The following KLHL5 variants were observed in gnomAD, a reference collection of about 807,000 sequenced individuals.
KLHL5 encodes kelch-like protein 5.
KLHL5 carries 48 observed loss-of-function variants against 77.7 expected under a neutral mutation model. That is an observed-to-expected ratio of 0.62 (90% CI 0.49 to 0.79). The LOEUF (loss-of-function observed/expected upper bound fraction) is 0.79. Ranked by LOEUF, KLHL5 falls within the 30% of genes least tolerant of loss-of-function variation. The probability of loss-of-function intolerance (pLI) is 0.00; values close to 1 mark genes in which losing one functional copy is unlikely to be tolerated. For missense variants in KLHL5, 723 were observed against 859.7 expected, an observed-to-expected ratio of 0.84 and a Z score of 1.99; for synonymous variants, 260 against 297.0, an observed-to-expected ratio of 0.88 and a Z score of 1.28.
At chr4:39,075,183 T>A (rs536828205) in intron 1 of KLHL5, among the ~76,000 whole-genome samples, 2 of 151,882 alleles carry the variant, frequency 1.3e-5, no homozygotes, top group South Asian at 4.2e-4. Context: ...AATACAAAAG[T>A]AGCTGGGCGT....
At chr4:39,091,909 T>A (rs1720617558) in intron 5 of KLHL5, among the ~76,000 whole-genome samples, 2 of 125,650 alleles carry the variant, frequency 1.6e-5, no homozygotes, top group Admixed American at 1.0e-4. Flanking sequence ...TCTCTCAAAC[T>A]CCTGGCCTCA....
chr4:39,109,166 A>G (rs1272853521), intron 8 of KLHL5, among the ~76,000 whole-genome samples: 1 of 152,236 alleles, frequency 6.6e-6, no homozygotes, highest in African/African-American at 2.4e-5. Flanking sequence ...GTTGAAAAAA[A>G]CCAACGATGC....
the KLHL5 span, among the ~76,000 whole-genome samples, chr4:39,132,991 A>G: frequency 6.6e-6 from 1 of 152,232 alleles, no homozygotes; most frequent in Non-Finnish European, 1.5e-5. Flanking sequence ...ATGATAGTCT[A>G]GTCGCAGGAA....
chr4:39,045,562 C>A (rs1158427274), intron 1 of KLHL5, among the ~76,000 whole-genome samples: 1 of 151,974 alleles, frequency 6.6e-6, no homozygotes, highest in Non-Finnish European at 1.5e-5. Flanking sequence ...TTAAATAATA[C>A]CCTCGCCCCC....
chr4:39,048,593 C>T lies in KLHL5; in HGVS notation c.-95+3497C>T, dbSNP rs148316670. Among the ~76,000 whole-genome samples, 217 of 148,162 alleles carry T rather than the reference C, an allele frequency of 1.5e-3. 5 individuals carry two copies. In the East Asian group the frequency reaches 0.038, roughly 26 times the overall value. On this transcript the variant is annotated intron_variant, in intron 1 of 11. Transcript: ENST00000261425. ...GAGGCTGTATCTCAACACATGCTTC[C>T]GCAGTTGTTAGGACAGGGAAAAGGA...
intron 1 of KLHL5, among the ~76,000 whole-genome samples, chr4:39,068,896 A>G (rs1365147571): frequency 6.6e-6 from 1 of 152,236 alleles, no homozygotes; most frequent in Non-Finnish European, 1.5e-5. Context: ...GAAGTATATT[A>G]GTAAGGCATA....
intron 4 of KLHL5, among the ~76,000 whole-genome samples, chr4:39,083,934 C>G (rs1719832976): frequency 6.6e-6 from 1 of 152,064 alleles, no homozygotes. Flanking sequence ...TAACATTATT[C>G]AGTTTTAACA....
intron 1 of KLHL5, chr4:39,063,435 G>A (rs1717609833): frequency 3.7e-6 from 1 of 270,160 alleles, no homozygotes; most frequent in Non-Finnish European, 7.7e-6. Flanking sequence ...ACAGATGATA[G>A]AGTCATTTTT....
intron 2 of KLHL5, among the ~76,000 whole-genome samples, chr4:39,079,438 C>T (rs1001617804): frequency 6.6e-6 from 1 of 152,178 alleles, no homozygotes; most frequent in Non-Finnish European, 1.5e-5. Flanking sequence ...CCACTCAGAA[C>T]CTCTTGTAGT....
rs754510958 is a variant in KLHL5, at chr4:39,062,797, G to C, written c.145G>C (p.Gly49Arg). The C allele has an allele frequency of 1.2e-6, 2 of 1,613,944 alleles. No homozygotes were observed. Among genetic ancestry groups the C allele is most frequent in the African/African-American group, 1.3e-5 (1 of 74,898 alleles). ...GAACCGAGGACAGACTGGAGCAAAC[G>C]GTGGGAGAAAGTTTTTAGATCCATG... Reference protein sequence around the residue: ...FWNRGQTGANGGRKFLDPCSL... With the variant: ...FWNRGQTGANRGRKFLDPCSL... Residue 49 changes from glycine to arginine, a missense_variant, in exon 1 of 11, where the codon GGT becomes CGT. Around this residue, in one of 3 missense-constraint regions of KLHL5, gnomAD observed 221 missense variants for 222.1 expected, o/e 1.00. Transcript: ENST00000504108.
intron 1 of KLHL5, among the ~76,000 whole-genome samples, chr4:39,067,052 C>G (rs1416786723): frequency 6.6e-6 from 1 of 152,142 alleles, no homozygotes; most frequent in Non-Finnish European, 1.5e-5. Context: ...AGTAATGAAC[C>G]AGTGGTGATA....
chr4:39,052,858 A>G (rs1404246404), intron 1 of KLHL5, among the ~76,000 whole-genome samples: 2 of 152,134 alleles, frequency 1.3e-5, no homozygotes, highest in East Asian at 1.9e-4. Flanking sequence ...CCTTCCCCCC[A>G]TTGGAGTTTG....
At chr4:39,105,028 G>A (rs1411969349) in intron 7 of KLHL5, among the ~76,000 whole-genome samples, 1 of 152,100 alleles carries the variant, frequency 6.6e-6, no homozygotes, top group Non-Finnish European at 1.5e-5. Flanking sequence ...CTCCCAAAGT[G>A]CTGGGATTAC....
intron 1 of KLHL5, among the ~76,000 whole-genome samples, chr4:39,072,673 C>T (rs1403322674): frequency 6.6e-6 from 1 of 152,144 alleles, no homozygotes; most frequent in African/African-American, 2.4e-5. Context: ...TAGAAACTTC[C>T]TAAAATGTGC....
intron 1 of KLHL5, among the ~76,000 whole-genome samples, chr4:39,069,149 G>A (rs191686155): frequency 1.8e-3 from 268 of 152,162 alleles, no homozygotes; most frequent in Non-Finnish European, 2.9e-3. Context: ...AGGAAGGACC[G>A]AAGAGAGGAA....
At chr4:39,140,483 A>G in the KLHL5 span, among the ~76,000 whole-genome samples, 2 of 152,326 alleles carry the variant, frequency 1.3e-5, no homozygotes, top group African/African-American at 4.8e-5. Context: ...CAAACAGTTC[A>G]GGGGAAAAGG....
chr4:39,076,003 C>G lies in KLHL5; in HGVS notation c.422C>G (p.Thr141Ser). ...AGTCAGACATTATCATCCTGTCATACTATGGAGCCATGTACATCAGATGAA... is the reference window on the plus strand; with the variant it reads ...AGTCAGACATTATCATCCTGTCATAGTATGGAGCCATGTACATCAGATGAA... ...NSSQTLSSCH[T>S]MEPCTSDEFF... is the part of the protein sequence containing the mutation. Residue 141 changes from threonine (T) to serine (S), a missense_variant, in exon 2 of 11, where the codon ACT becomes AGT. By Grantham distance (58) the Thr-to-Ser change is moderately conservative (BLOSUM62 1). This residue lies in a region of KLHL5 where 221 missense variants were observed against 222.1 expected (regional missense o/e 1.00). Coordinates refer to ENST00000504108, the MANE Select transcript of KLHL5 (RefSeq NM_015990.5). The G allele has an allele frequency of 1.2e-6, 2 of 1,612,170 alleles. No individual in the cohort carries two copies. The highest frequency in any genetic ancestry group is 1.3e-5 in the African/African-American group (1 of 74,846).
downstream of KLHL5, among the ~76,000 whole-genome samples, chr4:39,131,534 A>G (rs1723801068): frequency 6.6e-6 from 1 of 152,194 alleles, no homozygotes; most frequent in Admixed American, 6.5e-5. Flanking sequence ...TGAAACATAA[A>G]ATATGTTATC....
chr4:39,079,765 G>GTATCT (rs1719438861), intron 2 of KLHL5, among the ~76,000 whole-genome samples: 1 of 152,034 alleles, frequency 6.6e-6, no homozygotes, highest in African/African-American at 2.4e-5. Flanking sequence ...TGTACCCAAT[G>GTATCT]TATCTCAAGT....
Sources: allele counts gnomAD v4.1 joint callset (sites outside exome capture counted in the v4.1 genomes callset), GRCh38; gene constraint gnomAD v4.1.1; regional missense constraint gnomAD v4.1.1; transcripts MANE v1.5; gene names NCBI Gene and HGNC (gene_info 2026-07-23, HGNC 2026-07-21).